Variants in BCAP29 observed in about 807,000 individuals in gnomAD.
BCAP29 encodes the protein B-cell receptor-associated protein 29.
BCAP29 carries 34 observed loss-of-function variants against 31.8 expected under a neutral mutation model. The ratio of observed to expected loss-of-function variants is 1.07; its 90% CI spans 0.81 to 1.42. BCAP29 has a LOEUF of 1.42. Among genes scored for constraint, BCAP29 ranks in the 40% most tolerant of loss-of-function variants. BCAP29 has a pLI of 0.00. For synonymous variants in BCAP29, 104 were observed against 91.3 expected (o/e 1.14, Z -0.79); for missense variants, 314 against 269.2 (o/e 1.17, Z -1.16).
chr7:107,601,136 CA>C (rs1326337421), intron 6 of BCAP29, among the ~76,000 whole-genome samples: 12 of 151,808 alleles, frequency 7.9e-5, no homozygotes, highest in African/African-American at 2.9e-4. Context: ...AGTCAAAGAA[CA>C]AATTATTTTT....
At position 107,600,099 on chromosome 7, in the gene BCAP29, A is replaced by G. The variant is rs1377887320; in HGVS notation, c.481-298A>G. 4 of 348,446 alleles carry G rather than the reference A, an allele frequency of 1.1e-5. 1 individual carries two copies. Among genetic ancestry groups the G allele is most frequent in the Non-Finnish European group, 1.1e-5 (2 of 182,926 alleles). 21.6% of individuals were successfully genotyped at this position (348,446 alleles called of 1,614,324 possible). On this transcript the variant is annotated intron_variant, in intron 5 of 7. Transcript: ENST00000005259. The stretch of plus-strand genomic sequence containing the variant: ...ATTTACATTTCTCATTAATTGAGGA[A>G]GAAAGACTGACGTTATTTACCTAAA...
At chr7:107,612,393 AT>A (rs1813298526) in intron 6 of BCAP29, among the ~76,000 whole-genome samples, 2 of 8,158 alleles carry the variant, frequency 2.5e-4, no homozygotes, top group African/African-American at 9.4e-4. Flanking sequence ...GTATTGTTTT[AT>A]ATATATATAT....
chr7:107,602,964 C>CTTTTTTTTTTTTTTTTTTTTTTTTTTTT, intron 6 of BCAP29, among the ~76,000 whole-genome samples: 2 of 68,288 alleles, frequency 2.9e-5, no homozygotes, highest in Non-Finnish European at 5.0e-5. Context: ...TTCTTTTATT[C>CTTTTTTTTTTTTTTTTTTTTTTTTTTTT]TTTTTTTTTT....
chr7:107,618,635 C>G lies in BCAP29; in HGVS notation c.*272C>G. On this transcript the variant is annotated 3_prime_UTR_variant, in exon 8 of 8. Transcript: ENST00000005259. ...GTCATTGGTATATGGTGGCTGTTTACCAATAAAAGGAAAAAATTCATTAAC... is the reference window on the plus strand; with the variant it reads ...GTCATTGGTATATGGTGGCTGTTTAGCAATAAAAGGAAAAAATTCATTAAC... The G allele has an allele frequency of 6.9e-7, 1 of 1,448,938 alleles. No homozygotes were observed. The highest frequency in any genetic ancestry group is 9.2e-7 in the Non-Finnish European group (1 of 1,081,962). The allele number at this position is 1,448,938 out of a possible 1,614,324, so 89.8% of individuals were successfully genotyped here. A position where few individuals can be genotyped will look rare whatever the true frequency, so the allele number is the denominator to read the frequency against.
In BCAP29 at chr7:107,613,332, C is replaced by T; in HGVS notation, c.590C>T (p.Ala197Val). 1.9e-6 allele frequency: 3 copies of T among 1,596,756 alleles called. No individual in the cohort carries two copies. Among genetic ancestry groups the T allele is most frequent in the Non-Finnish European group, 2.6e-6 (3 of 1,168,574 alleles). Residue 197 changes from alanine to valine, a missense_variant and splice_region_variant, in exon 7 of 8, where the codon GCC becomes GTC. Ala to Val is a moderately conservative substitution (Grantham distance 64, BLOSUM62 0). Transcript: ENST00000005259. ...AATAAAACTATTCGATATTTTCTAGCCCTTTCTAAGGCACAAAATGATGTG... is the reference window on the plus strand; with the variant it reads ...AATAAAACTATTCGATATTTTCTAGTCCTTTCTAAGGCACAAAATGATGTG... ...LKTELRKTSD[A>V]LSKAQNDVME...
At chr7:107,594,275 A>T in intron 4 of BCAP29, 170 bp downstream of exon 4, 1 of 603,570 alleles carries the variant, frequency 1.7e-6, no homozygotes, top group South Asian at 2.2e-5. Flanking sequence ...TGTAACTTCA[A>T]ACTCCTGGGT....
At chr7:107,585,965 TG>T (rs1287933488) in intron 3 of BCAP29, among the ~76,000 whole-genome samples, 2 of 151,948 alleles carry the variant, frequency 1.3e-5, no homozygotes, top group African/African-American at 4.8e-5. Flanking sequence ...CACTGCAGCC[TG>T]GGTGACAAGA....
At chr7:107,612,699 T>G (rs1276430415) in intron 6 of BCAP29, among the ~76,000 whole-genome samples, 1 of 151,988 alleles carries the variant, frequency 6.6e-6, no homozygotes, top group Non-Finnish European at 1.5e-5. Context: ...GCATTTAATA[T>G]CACTTATATT....
intron 5 of BCAP29, 120 bp downstream of exon 5, chr7:107,596,122 C>T: frequency 1.2e-6 from 1 of 837,986 alleles, no homozygotes; most frequent in Non-Finnish European, 1.7e-6. Context: ...CCATAATTAA[C>T]AATATTTTAT....
At chr7:107,588,471 A>T (rs1808116176) in intron 3 of BCAP29, among the ~76,000 whole-genome samples, 1 of 152,248 alleles carries the variant, frequency 6.6e-6, no homozygotes, top group African/African-American at 2.4e-5. Flanking sequence ...TGTTCATAGC[A>T]AAACGGGTTG....
rs1347879694 is a variant in BCAP29, at chr7:107,595,962, C to T, written c.440C>T (p.Ala147Val). The T allele has an allele frequency of 1.3e-6, 2 of 1,578,286 alleles. No individual in the cohort carries two copies. The highest frequency in any genetic ancestry group is 2.0e-5 in the Admixed American group (1 of 49,306). Residue 147 changes from alanine to valine, a missense_variant, in exon 5 of 8, where the codon GCT (alanine) becomes GTT (valine). By Grantham distance (64) the Ala-to-Val change is moderately conservative. Coordinates refer to ENST00000005259, the MANE Select transcript of BCAP29 (RefSeq NM_018844.4). ...LKTQAENTNK[A>V]AKKFMEENEK... ...ACTCAAGCAGAAAATACTAACAAGG[C>T]TGCCAAAAAATTTATGGAAGAAAAC... is the stretch of plus-strand genomic sequence containing the variant.
downstream of BCAP29, chr7:107,620,784 A>G (rs952507280): frequency 6.6e-6 from 1 of 152,246 alleles, no homozygotes; most frequent in Non-Finnish European, 1.5e-5. Context: ...TCTTTAGGGC[A>G]TAAGTTCCTC....
At chr7:107,595,712 A>T in intron 4 of BCAP29, 155 bp from the exon 5 acceptor site, 1 of 700,136 alleles carries the variant, frequency 1.4e-6, no homozygotes, top group Non-Finnish European at 2.2e-6. Flanking sequence ...GTTTTTACTA[A>T]GAGACTTGAA....
chr7:107,603,127 G>T (rs745954858), intron 6 of BCAP29, among the ~76,000 whole-genome samples: 2 of 151,756 alleles, frequency 1.3e-5, no homozygotes, highest in Admixed American at 6.6e-5. Flanking sequence ...CTGCCGCCAC[G>T]CCTGGCTAAT....
chr7:107,601,305 T>A (rs1466200017), intron 6 of BCAP29, among the ~76,000 whole-genome samples: 1 of 152,168 alleles, frequency 6.6e-6, no homozygotes, highest in African/African-American at 2.4e-5. Context: ...TTTCAGTTGG[T>A]GTTAAGGTAC....
At chr7:107,615,770 A>G (rs1232021773) in intron 7 of BCAP29, 1 of 177,008 alleles carries the variant, frequency 5.6e-6, no homozygotes, top group Non-Finnish European at 1.2e-5. Context: ...AGTTTTTGAA[A>G]TATTTAATAG....
Position 107,611,857 on chromosome 7 carries a change from G to A in BCAP29, c.590-1475G>A, listed in dbSNP as rs1813184882. 2.0e-5 allele frequency among the ~76,000 whole-genome samples: 3 copies of A among 152,302 alleles called. No individual in the cohort carries two copies. The South Asian group carries it at 6.2e-4, about 32-fold the overall frequency. ...GCTAGCCACTAGCTCACATGTGGCT[G>A]TTTAAATTTAATTGAACTTAAATTG... On this transcript the variant is annotated intron_variant, in intron 6 of 7. Transcript: ENST00000005259.
At chr7:107,599,175 AT>A (rs1810489943) in intron 5 of BCAP29, among the ~76,000 whole-genome samples, 4 of 129,344 alleles carry the variant, frequency 3.1e-5, no homozygotes, top group South Asian at 2.2e-4. Flanking sequence ...ATATAAATAT[AT>A]TAAAATTTAT....
Position 107,618,369 on chromosome 7 carries a change from A to G in BCAP29, c.*6A>G. On this transcript the variant is annotated 3_prime_UTR_variant, in exon 8 of 8. Transcript: ENST00000005259. ...GCAACAAGAAAAGACTGTGAACTTT[A>G]TAAAAGACACTTGCAATATACTGTG... 2 of 1,608,338 alleles carry G rather than the reference A, an allele frequency of 1.2e-6. No homozygotes were observed. The highest frequency in any genetic ancestry group is 8.5e-7 in the Non-Finnish European group (1 of 1,176,710).
Sources: allele counts gnomAD v4.1 joint callset (sites outside exome capture counted in the v4.1 genomes callset), GRCh38; gene constraint gnomAD v4.1.1; transcripts MANE v1.5; gene names NCBI Gene and HGNC (gene_info 2026-07-23, HGNC 2026-07-21).